The following WWOX variants were observed in gnomAD, a reference collection of about 807,000 sequenced individuals.
WWOX encodes WW domain containing oxidoreductase.
Under a neutral mutation model 46.2 loss-of-function variants are expected in WWOX, and 69 were observed. The ratio of observed to expected loss-of-function variants is 1.49; its 90% confidence interval spans 1.23 to 1.82. WWOX has a LOEUF of 1.82. Ranked by LOEUF, WWOX falls within the 40% of genes most tolerant of loss-of-function variation. WWOX has a pLI of 0.00. For synonymous variants in WWOX, 359 were observed against 202.6 expected (o/e 1.77, Z -6.56); for missense variants, 919 against 542.6 (o/e 1.69, Z -6.89).
intron 8 of WWOX, among the ~76,000 whole-genome samples, chr16:78,542,512 T>C (rs2043923062): frequency 6.6e-6 from 1 of 152,152 alleles, no homozygotes; most frequent in South Asian, 2.1e-4. Flanking sequence ...CCACATTGCT[T>C]ACTATTGTCA....
At chr16:78,931,008 A>G (rs771006271) in intron 8 of WWOX, among the ~76,000 whole-genome samples, 11 of 152,220 alleles carry the variant, frequency 7.2e-5, no homozygotes, top group Non-Finnish European at 1.3e-4. Flanking sequence ...GGGGATAGCA[A>G]TATCTATCTC....
rs183906719 is a variant in WWOX, at chr16:79,200,820, G to A, written c.1057-10788G>A. 1.3e-3 allele frequency among the ~76,000 whole-genome samples: 197 copies of A among 152,320 alleles called. 2 individuals carry two copies. The highest frequency in any genetic ancestry group is 2.4e-3 in the Admixed American group (36 of 15,300). On this transcript the variant is annotated intron_variant, in intron 8 of 8. Transcript: ENST00000566780. ...CCTGGGCTCAGTGGTCTGGCTAAAG[G>A]AGAGGTGCTGGGGCCAGGTGACAGG... is the stretch of plus-strand genomic sequence containing the variant.
chr16:78,715,458 A>T (rs1184135142), intron 8 of WWOX, among the ~76,000 whole-genome samples: 6 of 149,820 alleles, frequency 4.0e-5, no homozygotes, highest in Non-Finnish European at 8.9e-5. Flanking sequence ...GTCTGACTCC[A>T]CCCCACCCCC....
At chr16:79,186,405 C>T (rs1291859033) in intron 8 of WWOX, among the ~76,000 whole-genome samples, 1 of 152,202 alleles carries the variant, frequency 6.6e-6, no homozygotes, top group African/African-American at 2.4e-5. Flanking sequence ...TTGGTGTTTC[C>T]TGGCTTGCAG....
intron 8 of WWOX, among the ~76,000 whole-genome samples, chr16:78,716,467 A>T (rs1177678707): frequency 1.3e-5 from 2 of 152,174 alleles, no homozygotes; most frequent in East Asian, 1.9e-4. Flanking sequence ...CTGCCCTTCA[A>T]GATGAGTGTT....
At chr16:78,763,398 G>C (rs999608504) in intron 8 of WWOX, among the ~76,000 whole-genome samples, 1 of 152,190 alleles carries the variant, frequency 6.6e-6, no homozygotes, top group African/African-American at 2.4e-5. Flanking sequence ...TTGAATACCT[G>C]CTATCTACCA....
intron 8 of WWOX, among the ~76,000 whole-genome samples, chr16:78,468,523 G>A (rs2084139946): frequency 6.6e-6 from 1 of 152,100 alleles, no homozygotes; most frequent in African/African-American, 2.4e-5. Context: ...ATGGTCCATT[G>A]TCGGCCCTCT....
intron 8 of WWOX, among the ~76,000 whole-genome samples, chr16:78,543,809 G>T (rs561473194): frequency 1.3e-5 from 2 of 152,104 alleles, no homozygotes; most frequent in Non-Finnish European, 2.9e-5. Context: ...CCCATAAATT[G>T]CATCTCCCGC....
At chr16:78,545,855 A>C (rs2044018476) in intron 8 of WWOX, among the ~76,000 whole-genome samples, 1 of 152,076 alleles carries the variant, frequency 6.6e-6, no homozygotes, top group Non-Finnish European at 1.5e-5. Context: ...TTCTTGGTGC[A>C]CATCCCTGGT....
intron 8 of WWOX, among the ~76,000 whole-genome samples, chr16:78,741,534 G>A (rs2049228275): frequency 6.6e-6 from 1 of 151,520 alleles, no homozygotes; most frequent in Non-Finnish European, 1.5e-5. Context: ...CCCCAGCCTG[G>A]GCGACAGAGT....
At position 78,189,735 on chromosome 16, in the gene WWOX, AC is replaced by A. The variant is rs567461507; in HGVS notation, c.516+25448del. ...AATGGCGTGATCTTGGCTCACTGCA[AC>A]CTCCGCCTCCCAAGTTCAAGCGATT... On this transcript the variant is annotated intron_variant, in intron 5 of 8. Coordinates refer to ENST00000566780, the MANE Select transcript of WWOX (RefSeq NM_016373.4). Among the ~76,000 whole-genome samples the A allele has an allele frequency of 2.0e-3, 302 of 152,106 alleles. 1 individual carries two copies. The highest frequency in any genetic ancestry group is 6.8e-3 in the African/African-American group (284 of 41,482).
chr16:78,786,758 G>A (rs1224937433), intron 8 of WWOX, among the ~76,000 whole-genome samples: 1 of 152,184 alleles, frequency 6.6e-6, no homozygotes, highest in Non-Finnish European at 1.5e-5. Context: ...ATTAAAGACA[G>A]CAGGCAGTTA....
intron 4 of WWOX, among the ~76,000 whole-genome samples, chr16:78,120,571 C>T (rs1044381918): frequency 7.7e-5 from 11 of 142,074 alleles, no homozygotes; most frequent in African/African-American, 1.8e-4. Flanking sequence ...AGCGAGACTC[C>T]GTCTCAAAAA....
At chr16:79,192,962 C>T (rs1189155047) in intron 8 of WWOX, among the ~76,000 whole-genome samples, 1 of 152,226 alleles carries the variant, frequency 6.6e-6, no homozygotes, top group Non-Finnish European at 1.5e-5. Flanking sequence ...CCTCGTTTTA[C>T]TCCTTGTCTC....
At chr16:78,781,166 C>T (rs1053927107) in intron 8 of WWOX, among the ~76,000 whole-genome samples, 1 of 152,204 alleles carries the variant, frequency 6.6e-6, no homozygotes, top group African/African-American at 2.4e-5. Context: ...TTCACCACAA[C>T]TGAAGTGTTG....
chr16:78,742,390 T>G lies in WWOX; in HGVS notation c.1056+309638T>G, dbSNP rs11859833. Among the ~76,000 whole-genome samples the G allele has an allele frequency of 9.5e-3, 1,449 of 152,268 alleles. 23 individuals are homozygous for G. The highest frequency in any genetic ancestry group is 0.032 in the African/African-American group (1,333 of 41,548). On this transcript the variant is annotated intron_variant, in intron 8 of 8. Coordinates refer to ENST00000566780, the MANE Select transcript of WWOX (RefSeq NM_016373.4). ...CTAGCTCTGGCTCAGGTTAAGTGTT[T>G]CAGCGCCCTGGCTTCTGTGTCTTCA...
At chr16:78,804,417 TAA>T (rs879444786) in intron 8 of WWOX, among the ~76,000 whole-genome samples, 14 of 134,774 alleles carry the variant, frequency 1.0e-4, no homozygotes, top group South Asian at 2.4e-4. Flanking sequence ...TCAGCCAAAT[TAA>T]AAAAAAAAAA....
At chr16:78,574,602 A>G (rs1181005729) in intron 8 of WWOX, among the ~76,000 whole-genome samples, 1 of 152,046 alleles carries the variant, frequency 6.6e-6, no homozygotes, top group Non-Finnish European at 1.5e-5. Context: ...CATCCTTTTT[A>G]TGGCTGAATA....
intron 8 of WWOX, among the ~76,000 whole-genome samples, chr16:78,965,205 C>A (rs906978493): frequency 6.6e-6 from 1 of 152,180 alleles, no homozygotes; most frequent in African/African-American, 2.4e-5. Flanking sequence ...ATGTTTCCAT[C>A]AGTAACATGG....
Sources: gnomAD v4.1 joint callset for allele counts (sites outside exome capture counted in the v4.1 genomes callset) on GRCh38, gnomAD v4.1.1 for gene constraint, MANE v1.5 for transcripts, NCBI Gene and HGNC (gene_info 2026-07-23, HGNC 2026-07-21) for gene names.